The following CHRM3 variants were observed in gnomAD, a reference collection of about 807,000 sequenced individuals.
The protein encoded by CHRM3 is cholinergic receptor muscarinic 3, also known as muscarinic acetylcholine receptor M3.
In CHRM3, 11 loss-of-function variants were observed where a neutral mutation model predicts 41.8. The ratio of observed to expected loss-of-function variants is 0.26; its 90% CI spans 0.17 to 0.44. The LOEUF (loss-of-function observed/expected upper bound fraction) is 0.44, where lower values mean the gene tolerates loss of function less well. Ranked by LOEUF, CHRM3 falls within the 20% of genes least tolerant of loss-of-function variation. The probability of loss-of-function intolerance (pLI) is 1.00; values close to 1 mark genes in which losing one functional copy is unlikely to be tolerated. For missense variants in CHRM3, 571 were observed against 745.4 expected, an observed-to-expected ratio of 0.77 and a Z score of 2.72; for synonymous variants, 297 against 301.4, an observed-to-expected ratio of 0.99 and a Z score of 0.15.
intron 1 of CHRM3, among the ~76,000 whole-genome samples, chr1:239,424,054 CAAAAAAAAAAA>C (rs772980892): frequency 3.8e-5 from 3 of 78,918 alleles, no homozygotes; most frequent in South Asian, 3.9e-4. Context: ...GACTCTGTCT[CAAAAAAAAAAA>C]AAAAAAGAAA....
At chr1:239,566,548 T>C (rs1369107294) in intron 3 of CHRM3, among the ~76,000 whole-genome samples, 2 of 152,206 alleles carry the variant, frequency 1.3e-5, no homozygotes, top group African/African-American at 2.4e-5. Flanking sequence ...TCCTTTTGAT[T>C]CAAGCTCTTC....
intron 1 of CHRM3, among the ~76,000 whole-genome samples, chr1:239,410,376 T>C (rs999016199): frequency 2.0e-5 from 3 of 152,310 alleles, no homozygotes; most frequent in East Asian, 3.9e-4. Context: ...TTTATATATA[T>C]ACTTTAGATA....
intron 3 of CHRM3, among the ~76,000 whole-genome samples, chr1:239,613,005 G>A (rs1403111509): frequency 6.6e-6 from 1 of 152,162 alleles, no homozygotes; most frequent in Non-Finnish European, 1.5e-5. Flanking sequence ...AAACTGCCTG[G>A]CATTAAGTAA....
At position 239,386,883 on chromosome 1, in the gene CHRM3, C is replaced by G. The variant is rs1238037983; in HGVS notation, c.-865C>G. The G allele has an allele frequency of 6.6e-6, 1 of 151,934 alleles. No homozygotes were observed. The highest frequency in any genetic ancestry group is 1.5e-5 in the Non-Finnish European group (1 of 67,978). The allele number at this position is 151,934 out of a possible 1,614,324, so 9.4% of individuals were successfully genotyped here. On this transcript the variant is annotated 5_prime_UTR_variant, in exon 1 of 7. Transcript: ENST00000676153. ...GGCACTGCCGAGCCGGGAGCGCTGC[C>G]GCTTGGGCAGGTGCCGCGGCCGCTG...
At chr1:239,865,841 G>A (rs1235771624) in intron 6 of CHRM3, among the ~76,000 whole-genome samples, 5 of 152,132 alleles carry the variant, frequency 3.3e-5, no homozygotes, top group Admixed American at 3.3e-4. Context: ...CCACATGTTA[G>A]CTCCTTGAAT....
chr1:239,397,685 ATT>A (rs1167095360), intron 1 of CHRM3, among the ~76,000 whole-genome samples: 3 of 17,384 alleles, frequency 1.7e-4, no homozygotes, highest in Non-Finnish European at 9.0e-4. Flanking sequence ...AAATACATGT[ATT>A]TATATATATA....
intron 6 of CHRM3, among the ~76,000 whole-genome samples, chr1:239,859,834 T>TATATATATATATATA (rs2149265402): frequency 7.4e-6 from 1 of 134,776 alleles, no homozygotes; most frequent in African/African-American, 2.6e-5. Context: ...TATATATATA[T>TATATATATATATATA]ATATATATAT....
intron 6 of CHRM3, among the ~76,000 whole-genome samples, chr1:239,877,879 T>A (rs1677241308): frequency 6.6e-6 from 1 of 150,998 alleles, no homozygotes; most frequent in South Asian, 2.1e-4. Context: ...TATTGTGCAC[T>A]TTATTTCTTT....
chr1:239,825,157 C>T (rs1672352367), intron 5 of CHRM3, among the ~76,000 whole-genome samples: 2 of 152,200 alleles, frequency 1.3e-5, no homozygotes, highest in Admixed American at 1.3e-4. Flanking sequence ...ACAGTTGCTT[C>T]ATTGTAGTGA....
At chr1:239,754,864 G>T (rs73122564) in intron 5 of CHRM3, among the ~76,000 whole-genome samples, 5,578 of 152,168 alleles carry the variant, frequency 0.037, 323 homozygotes, top group African/African-American at 0.12. Flanking sequence ...CACAGGGTAG[G>T]ATGGAAGATT....
intron 2 of CHRM3, among the ~76,000 whole-genome samples, chr1:239,513,373 T>G (rs1403606315): frequency 1.3e-5 from 2 of 152,210 alleles, no homozygotes; most frequent in Non-Finnish European, 2.9e-5. Context: ...TTGGAATTTC[T>G]TAGTGACATA....
At chr1:239,420,264 A>G (rs1661845891) in intron 1 of CHRM3, among the ~76,000 whole-genome samples, 1 of 152,090 alleles carries the variant, frequency 6.6e-6, no homozygotes. Context: ...CTCCTTATTT[A>G]CAAGGATTTC....
intron 3 of CHRM3, among the ~76,000 whole-genome samples, chr1:239,577,567 C>T (rs1380856105): frequency 1.3e-5 from 2 of 152,178 alleles, no homozygotes; most frequent in Non-Finnish European, 2.9e-5. Flanking sequence ...CTCGCAGGAG[C>T]AGAATGATTG....
At chr1:239,887,392 G>A (rs1424281864) in intron 6 of CHRM3, among the ~76,000 whole-genome samples, 1 of 152,062 alleles carries the variant, frequency 6.6e-6, no homozygotes, top group Admixed American at 6.6e-5. Flanking sequence ...AGTAGAGACG[G>A]GGTTTCACCA....
At chr1:239,871,721 C>T (rs1156287338) in intron 6 of CHRM3, among the ~76,000 whole-genome samples, 4 of 152,062 alleles carry the variant, frequency 2.6e-5, no homozygotes, top group Admixed American at 2.6e-4. Context: ...TGATATGGTT[C>T]CCTGAGCTAC....
chr1:239,660,316 C>T (rs1257846142), intron 4 of CHRM3, among the ~76,000 whole-genome samples: 1 of 152,116 alleles, frequency 6.6e-6, no homozygotes, highest in East Asian at 1.9e-4. Context: ...TGATTACTGT[C>T]CTCCAAATGT....
intron 5 of CHRM3, among the ~76,000 whole-genome samples, chr1:239,774,248 C>T (rs1330851186): frequency 1.3e-5 from 2 of 152,090 alleles, no homozygotes; most frequent in Non-Finnish European, 2.9e-5. Context: ...TATTCCATTC[C>T]ACTGGTGTCA....
chr1:239,834,957 G>A (rs879559584), intron 6 of CHRM3, among the ~76,000 whole-genome samples: 16 of 152,092 alleles, frequency 1.1e-4, no homozygotes, highest in South Asian at 2.1e-4. Context: ...TAAAGTCAGC[G>A]GTACAGGAAA....
At position 239,907,845 on chromosome 1, in the gene CHRM3, A is replaced by G; in HGVS notation, c.394A>G (p.Asn132Asp). ...MNLFTTYIIM[N>D]RWALGNLACD... ...TCTGTTTACGACCTACATCATCATG[A>G]ATCGATGGGCCTTAGGGAACTTGGC... Residue 132 changes from asparagine (N) to aspartate (D), a missense_variant, in exon 7 of 7, where the codon AAT becomes GAT. Physicochemically the swap from Asn to Asp is conservative, Grantham distance 23. Coordinates refer to ENST00000676153, the MANE Select transcript of CHRM3 (RefSeq NM_001375978.1). The surrounding 1 kb of genome is among the most constrained non-coding windows in gnomAD (Gnocchi z 5.4). 9 of 1,614,232 alleles carry G rather than the reference A, an allele frequency of 5.6e-6. No individual in the cohort carries two copies. Among genetic ancestry groups the G allele is most frequent in the Non-Finnish European group, 7.6e-6 (9 of 1,180,048 alleles).
Sources: allele counts gnomAD v4.1 joint callset (sites outside exome capture counted in the v4.1 genomes callset), GRCh38; gene constraint gnomAD v4.1.1; non-coding constraint Gnocchi (gnomAD v3.1); transcripts MANE v1.5; gene names NCBI Gene and HGNC (gene_info 2026-07-23, HGNC 2026-07-21).